Variants in KAZN observed in about 807,000 individuals in gnomAD.
KAZN encodes kazrin.
KAZN carries 40 observed loss-of-function variants against 87.4 expected under a neutral mutation model. The observed-to-expected ratio is 0.46, with a 90% CI of 0.36 to 0.60. The LOEUF (loss-of-function observed/expected upper bound fraction) is 0.60, where lower values mean the gene tolerates loss of function less well. Among genes scored for constraint, KAZN ranks in the 20% least tolerant of loss-of-function variants. The probability of loss-of-function intolerance (pLI) is 0.00; values close to 1 mark genes in which losing one functional copy is unlikely to be tolerated. For synonymous variants in KAZN, 466 were observed against 458.3 expected, an observed-to-expected ratio of 1.02 and a Z score of -0.22; for missense variants, 898 against 1,073.9, an observed-to-expected ratio of 0.84 and a Z score of 2.29.
intron 6 of KAZN, chr1:15,060,512 G>A (rs770081828): frequency 3.4e-5 from 22 of 653,626 alleles, no homozygotes; most frequent in Middle Eastern, 4.5e-4. Flanking sequence ...CCTTGTGTCC[G>A]GGAGGGTGAG....
chr1:14,591,865 G>A (rs1179188754), intron 2 of KAZN, among the ~76,000 whole-genome samples: 2 of 152,170 alleles, frequency 1.3e-5, no homozygotes, highest in Non-Finnish European at 2.9e-5. Flanking sequence ...CCATCTTATA[G>A]CTGCTGGCTG....
At chr1:14,044,144 C>G (rs2101418431) in intron 1 of KAZN, among the ~76,000 whole-genome samples, 1 of 152,214 alleles carries the variant, frequency 6.6e-6, no homozygotes, top group African/African-American at 2.4e-5. Context: ...AAGATTGAGT[C>G]TCCATCTGAC....
At chr1:15,024,650 G>A (rs980387391) in intron 2 of KAZN, among the ~76,000 whole-genome samples, 14 of 152,222 alleles carry the variant, frequency 9.2e-5, no homozygotes, top group African/African-American at 1.2e-4. Context: ...GGCTAATAGC[G>A]GGAGAGCCTG....
In KAZN at chr1:14,923,026, G is replaced by A. The variant is rs1307682487; in HGVS notation, c.227-37658G>A. On this transcript the variant is annotated intron_variant, in intron 1 of 14. Coordinates refer to ENST00000376030, the MANE Select transcript of KAZN (RefSeq NM_201628.3). The surrounding 1 kb of genome is among the most constrained non-coding windows in gnomAD (Gnocchi z 4.2). The stretch of plus-strand genomic sequence containing the variant: ...TTGTAGACTTAAGGGAAAGTAATTA[G>A]GTTCTCACAGCTTGTTGGACAGCCA... Among the ~76,000 whole-genome samples, 3 of 152,208 alleles carry A rather than the reference G, an allele frequency of 2.0e-5. No individual in the cohort carries two copies. The highest frequency in any genetic ancestry group is 2.9e-5 in the Non-Finnish European group (2 of 68,052).
intron 1 of KAZN, among the ~76,000 whole-genome samples, chr1:13,924,413 G>A (rs1184168087): frequency 1.3e-5 from 2 of 152,008 alleles, no homozygotes; most frequent in African/African-American, 2.4e-5. Flanking sequence ...AATTCTAGGC[G>A]GTATAGTTCT....
At chr1:14,050,203 C>T (rs1408748151) in intron 1 of KAZN, among the ~76,000 whole-genome samples, 3 of 147,026 alleles carry the variant, frequency 2.0e-5, no homozygotes, top group East Asian at 4.0e-4. Flanking sequence ...CATATGTGCA[C>T]ATGTGTGGGC....
intron 1 of KAZN, among the ~76,000 whole-genome samples, chr1:14,141,392 A>T (rs1038570161): frequency 1.3e-5 from 2 of 151,878 alleles, no homozygotes; most frequent in African/African-American, 2.4e-5. Context: ...CCACCTGTTG[A>T]CATAGACCCT....
intron 1 of KAZN, among the ~76,000 whole-genome samples, chr1:14,051,096 A>G (rs1642308707): frequency 6.6e-6 from 1 of 152,170 alleles, no homozygotes; most frequent in African/African-American, 2.4e-5. Flanking sequence ...ATAGCCAAGG[A>G]TTGAAGGGAG....
intron 2 of KAZN, among the ~76,000 whole-genome samples, chr1:14,532,700 A>T (rs193080595): frequency 2.9e-5 from 4 of 136,994 alleles, no homozygotes; most frequent in Non-Finnish European, 6.1e-5. Context: ...ATTCCTACCT[A>T]TGAGTGAGAA....
At chr1:14,472,427 C>G (rs1416517785) in intron 2 of KAZN, among the ~76,000 whole-genome samples, 2 of 152,214 alleles carry the variant, frequency 1.3e-5, no homozygotes, top group East Asian at 3.9e-4. Context: ...GAGGCTCTAC[C>G]ATCTTATGAC....
rs1318692207 is a variant in KAZN at position 14,735,072 on chromosome 1, T to C, written c.226+135849T>C. 2.0e-5 allele frequency among the ~76,000 whole-genome samples: 3 copies of C among 152,214 alleles called. No individual in the cohort carries two copies. Among genetic ancestry groups the C allele is most frequent in the Non-Finnish European group, 2.9e-5 (2 of 68,038 alleles). On this transcript the variant is annotated intron_variant, in intron 1 of 14. Transcript: ENST00000376030. The surrounding 1 kb of genome is among the most constrained non-coding windows in gnomAD (Gnocchi z 4.3). ...ATGGTCATGCTGGTTTTTTTTGTTTTGTTTTGAGACGGAGTCTCGCTCTTT... is the reference window on the plus strand; with the variant it reads ...ATGGTCATGCTGGTTTTTTTTGTTTCGTTTTGAGACGGAGTCTCGCTCTTT...
intron 1 of KAZN, among the ~76,000 whole-genome samples, chr1:14,636,562 C>A (rs1332151614): frequency 6.6e-6 from 1 of 152,198 alleles, no homozygotes; most frequent in African/African-American, 2.4e-5. Flanking sequence ...CTGCTCTGGA[C>A]ACATCTCACC....
chr1:14,000,214 C>T (rs527516179), intron 1 of KAZN, among the ~76,000 whole-genome samples: 2 of 152,312 alleles, frequency 1.3e-5, no homozygotes, highest in Non-Finnish European at 2.9e-5. Flanking sequence ...CCAGCATCAT[C>T]CTGATACCAA....
At chr1:14,381,990 C>A (rs1661406139) in intron 2 of KAZN, among the ~76,000 whole-genome samples, 1 of 152,112 alleles carries the variant, frequency 6.6e-6, no homozygotes, top group African/African-American at 2.4e-5. Flanking sequence ...TTGCAGGATA[C>A]AAAATCAAGA....
At chr1:14,694,054 G>A (rs1641467624) in intron 1 of KAZN, among the ~76,000 whole-genome samples, 2 of 152,206 alleles carry the variant, frequency 1.3e-5, no homozygotes, top group Admixed American at 6.5e-5. Flanking sequence ...CATTCCCTTT[G>A]AATAGCATCA....
chr1:14,805,768 TA>T (rs889375556), intron 1 of KAZN, among the ~76,000 whole-genome samples: 2 of 31,446 alleles, frequency 6.4e-5, no homozygotes, highest in African/African-American at 2.8e-4. Flanking sequence ...CTCAAAATAA[TA>T]ATAATAATAA....
chr1:14,362,852 AAT>A (rs1179123434), intron 2 of KAZN, among the ~76,000 whole-genome samples: 1 of 152,122 alleles, frequency 6.6e-6, no homozygotes, highest in Non-Finnish European at 1.5e-5. Flanking sequence ...CTACCCTGCC[AAT>A]ATATATATTT....
At chr1:15,112,282 C>T (rs558295557) in intron 13 of KAZN, 145 bp from the exon 14 acceptor site, 6 of 653,958 alleles carry the variant, frequency 9.2e-6, no homozygotes, top group Admixed American at 2.3e-5. Context: ...AAGGATGGCA[C>T]GTGGGAGGTA....
intron 1 of KAZN, among the ~76,000 whole-genome samples, chr1:14,714,299 G>T (rs1003255511): frequency 5.3e-5 from 8 of 152,144 alleles, no homozygotes; most frequent in African/African-American, 1.9e-4. Flanking sequence ...TTCGGAGCAG[G>T]TGAAGAGTAT....
Sources: gnomAD v4.1 joint callset for allele counts (sites outside exome capture counted in the v4.1 genomes callset) on GRCh38, gnomAD v4.1.1 for gene constraint, Gnocchi (gnomAD v3.1) non-coding constraint, MANE v1.5 for transcripts, NCBI Gene and HGNC (gene_info 2026-07-23, HGNC 2026-07-21) for gene names.